The following TMPRSS15 variants were observed in gnomAD, a reference collection of about 807,000 sequenced individuals.
TMPRSS15 encodes transmembrane serine protease 15, also known as enteropeptidase.
In TMPRSS15, 128 loss-of-function variants were observed where a neutral mutation model predicts 125.3. That is an observed-to-expected ratio of 1.02 (90% CI 0.89 to 1.18). The LOEUF (loss-of-function observed/expected upper bound fraction) is 1.18. TMPRSS15 is among the 50% of genes most tolerant of loss of function. TMPRSS15 has a pLI of 0.00. For synonymous variants in TMPRSS15, 446 were observed against 423.2 expected (o/e 1.05, Z -0.66); for missense variants, 1,283 against 1,212.7 (o/e 1.06, Z -0.86).
chr21:18,357,266 C>A (rs753040501), intron 8 of TMPRSS15, among the ~76,000 whole-genome samples: 2 of 151,836 alleles, frequency 1.3e-5, no homozygotes, highest in Non-Finnish European at 2.9e-5. Flanking sequence ...ACTTTCCCAG[C>A]ACTCTATTTT....
chr21:18,447,166 C>T (rs893023753), intron 1 of TMPRSS15, among the ~76,000 whole-genome samples: 3 of 151,780 alleles, frequency 2.0e-5, no homozygotes, highest in African/African-American at 7.3e-5. Context: ...TACAAATGGG[C>T]CAGGTGTAGT....
At chr21:18,324,566 G>A (rs2075270811) in intron 16 of TMPRSS15, among the ~76,000 whole-genome samples, 1 of 152,000 alleles carries the variant, frequency 6.6e-6, no homozygotes, top group Admixed American at 6.6e-5. Flanking sequence ...GTGGGAGCTG[G>A]TACTGTGCAA....
chr21:18,484,585 A>G (rs1979043281), intron 1 of TMPRSS15, among the ~76,000 whole-genome samples: 1 of 151,712 alleles, frequency 6.6e-6, no homozygotes, highest in Non-Finnish European at 1.5e-5. Flanking sequence ...TTCTATTTAT[A>G]TATGCAGACT....
At chr21:18,277,229 C>T (rs1398921299) in intron 23 of TMPRSS15, among the ~76,000 whole-genome samples, 1 of 152,070 alleles carries the variant, frequency 6.6e-6, no homozygotes, top group Non-Finnish European at 1.5e-5. Context: ...CTCCATACCA[C>T]TCTTAGAGAC....
intron 15 of TMPRSS15, 113 bp from the exon 16 acceptor site, chr21:18,326,685 C>G: frequency 8.2e-7 from 1 of 1,226,040 alleles, no homozygotes; most frequent in Non-Finnish European, 1.2e-6. Context: ...TTACATGGCT[C>G]GCTCATAGAG....
chr21:18,480,259 GT>G (rs779534145), intron 1 of TMPRSS15, among the ~76,000 whole-genome samples: 10 of 151,894 alleles, frequency 6.6e-5, no homozygotes, highest in Non-Finnish European at 1.2e-4. Context: ...GCTGGTTTTA[GT>G]ATCTGAATTC....
At chr21:18,482,742 G>A (rs1979005933) in intron 1 of TMPRSS15, among the ~76,000 whole-genome samples, 1 of 151,528 alleles carries the variant, frequency 6.6e-6, no homozygotes, top group African/African-American at 2.4e-5. Context: ...TATTTAAATT[G>A]TCTGTGCCTT....
At chr21:18,475,883 T>C (rs1242182608) in intron 1 of TMPRSS15, among the ~76,000 whole-genome samples, 1 of 152,214 alleles carries the variant, frequency 6.6e-6, no homozygotes, top group Non-Finnish European at 1.5e-5. Context: ...TTTTGGACTT[T>C]GTACAGATTT....
intron 1 of TMPRSS15, among the ~76,000 whole-genome samples, chr21:18,457,732 A>C (rs1174584796): frequency 3.3e-5 from 5 of 152,170 alleles, no homozygotes; most frequent in Non-Finnish European, 5.9e-5. Context: ...CAACAACCTA[A>C]GCCTTCTACT....
chr21:18,279,160 T>A (rs557579037), intron 22 of TMPRSS15, 101 bp from the exon 23 acceptor site: 2 of 696,308 alleles, frequency 2.9e-6, no homozygotes, highest in East Asian at 2.9e-5. Flanking sequence ...ACAGTTAATC[T>A]AAAAAACATG....
chr21:18,438,902 G>C (rs956212534), intron 1 of TMPRSS15, among the ~76,000 whole-genome samples: 1 of 152,072 alleles, frequency 6.6e-6, no homozygotes, highest in African/African-American at 2.4e-5. Context: ...AATGCTAAAC[G>C]TTGTAGAACA....
intron 3 of TMPRSS15, among the ~76,000 whole-genome samples, chr21:18,384,597 C>T (rs2075925541): frequency 6.6e-6 from 1 of 152,066 alleles, no homozygotes; most frequent in Admixed American, 6.6e-5. Flanking sequence ...TTTTTGCCCT[C>T]CTGCTTACAT....
At chr21:18,379,178 A>G (rs2075869673) in intron 5 of TMPRSS15, 105 bp downstream of exon 5, 3 of 456,828 alleles carry the variant, frequency 6.6e-6, no homozygotes, top group Admixed American at 8.6e-5. Context: ...TAAAATAGGC[A>G]CAATATTTAT....
intron 1 of TMPRSS15, among the ~76,000 whole-genome samples, chr21:18,450,947 T>C (rs1000672210): frequency 2.0e-5 from 3 of 152,218 alleles, no homozygotes; most frequent in African/African-American, 7.2e-5. Flanking sequence ...TCTTCAGTTG[T>C]GTATGATATT....
intron 24 of TMPRSS15, among the ~76,000 whole-genome samples, chr21:18,273,254 T>A (rs1359078801): frequency 2.0e-5 from 3 of 152,230 alleles, no homozygotes; most frequent in Non-Finnish European, 4.4e-5. Context: ...GGATGACTAA[T>A]AAGGCACATT....
At chr21:18,366,059 C>G (rs973732660) in intron 6 of TMPRSS15, among the ~76,000 whole-genome samples, 1 of 152,000 alleles carries the variant, frequency 6.6e-6, no homozygotes, top group African/African-American at 2.4e-5. Context: ...TTCTAAACAC[C>G]CTTCCCTAAG....
intron 7 of TMPRSS15, among the ~76,000 whole-genome samples, chr21:18,364,438 A>G (rs572490198): frequency 3.3e-5 from 5 of 152,228 alleles, no homozygotes; most frequent in Non-Finnish European, 7.4e-5. Flanking sequence ...TACTTTTAAG[A>G]GTTTTAATAA....
chr21:18,336,474 A>G lies in TMPRSS15; in HGVS notation c.1565-4301T>C, dbSNP rs532531485. ...TGTAATTTAAAGTAAAATGTTCCAT[A>G]AAATTTTGTGTTCATTTGATCAAAA... On this transcript the variant is annotated intron_variant, in intron 13 of 24. Coordinates refer to ENST00000284885, the MANE Select transcript of TMPRSS15 (RefSeq NM_002772.3). Among the ~76,000 whole-genome samples the G allele has an allele frequency of 2.6e-5, 4 of 152,306 alleles. No homozygotes were observed. In the South Asian group the frequency reaches 8.3e-4, roughly 32 times the overall value.
Position 18,305,369 on chromosome 21 carries a change from T to C in TMPRSS15, c.2166-7540A>G, listed in dbSNP as rs191684858. On this transcript the variant is annotated intron_variant, in intron 18 of 24. Coordinates refer to ENST00000284885, the MANE Select transcript of TMPRSS15 (RefSeq NM_002772.3). ...GCGCCCGGCTAATTTTTTGTATTTT[T>C]AGTAGAGACGGGGTTTCACCGGGTT... Among the ~76,000 whole-genome samples, 794 of 152,042 alleles carry C rather than the reference T, an allele frequency of 5.2e-3. 3 individuals are homozygous for C. The highest frequency in any genetic ancestry group is 0.018 in the African/African-American group (766 of 41,472).
Sources: allele counts gnomAD v4.1 joint callset (sites outside exome capture counted in the v4.1 genomes callset), GRCh38; gene constraint gnomAD v4.1.1; transcripts MANE v1.5; gene names NCBI Gene and HGNC (gene_info 2026-07-23, HGNC 2026-07-21).